Variants in CREBBP observed in about 807,000 individuals in gnomAD.
CREBBP encodes the protein CREB-binding protein.
CREBBP carries 19 observed loss-of-function variants against 265.0 expected under a neutral mutation model. The observed-to-expected ratio is 0.07, with a 90% CI of 0.05 to 0.11. The LOEUF (loss-of-function observed/expected upper bound fraction) is 0.11, where lower values mean the gene tolerates loss of function less well. Ranked by LOEUF, CREBBP falls within the 10% of genes least tolerant of loss-of-function variation. CREBBP has a pLI of 1.00. For synonymous variants in CREBBP, 1,457 were observed against 1,223.7 expected (o/e 1.19, Z -3.98); for missense variants, 2,525 against 3,219.0 (o/e 0.78, Z 5.22).
At chr16:3,865,142 C>T (rs903387413) in intron 1 of CREBBP, among the ~76,000 whole-genome samples, 3 of 152,192 alleles carry the variant, frequency 2.0e-5, no homozygotes, top group Admixed American at 2.0e-4. Flanking sequence ...TAAGACTCTA[C>T]CAACACACAG....
At position 3,853,880 on chromosome 16, in the gene CREBBP, T is replaced by C. The variant is rs543050196; in HGVS notation, c.86-2871A>G. On this transcript the variant is annotated intron_variant, in intron 1 of 30. Coordinates refer to ENST00000262367, the MANE Select transcript of CREBBP (RefSeq NM_004380.3). The stretch of plus-strand genomic sequence containing the variant: ...TGAACCTGGGAGGTGGAAGTTGCAG[T>C]GAACTGAGATATCGCCATTGCACTC... Among the ~76,000 whole-genome samples the C allele has an allele frequency of 2.0e-5, 3 of 151,960 alleles. No homozygotes were observed. In the South Asian group the frequency reaches 6.2e-4, roughly 32 times the overall value.
chr16:3,874,184 G>C (rs2055354188), intron 1 of CREBBP, among the ~76,000 whole-genome samples: 1 of 152,204 alleles, frequency 6.6e-6, no homozygotes. Context: ...TTTAAATCAA[G>C]TCATCCATAT....
chr16:3,766,528 C>A (rs959564153), intron 16 of CREBBP, among the ~76,000 whole-genome samples: 4 of 151,274 alleles, frequency 2.6e-5, no homozygotes, highest in Admixed American at 2.6e-4. Context: ...AAAAATTTTT[C>A]TCTTTTTTTT....
chr16:3,739,780 C>G (rs1172104202), intron 24 of CREBBP, 56 bp from the exon 25 acceptor site: 13 of 1,612,598 alleles, frequency 8.1e-6, no homozygotes, highest in Non-Finnish European at 1.0e-5. Context: ...CAAGGTGCTT[C>G]TGCACACCAG....
chr16:3,850,480 C>T lies in CREBBP; in HGVS notation c.615G>A (p.Gln205=), dbSNP rs1305177355. Reference sequence around the variant, plus strand: ...CAAGAGATCCATTCATGACTTGCGCCTGCCCTTGTGAAGCCTGATTAATTA... The same window carrying T: ...CAAGAGATCCATTCATGACTTGCGCTTGCCCTTGTGAAGCCTGATTAATTA... ...HSLINQASQG[Q]AQVMNGSLGA... The change falls in exon 2 of 31, where the codon CAG becomes CAA. Residue 205 remains glutamine, a synonymous_variant. Transcript: ENST00000262367. 3.1e-6 allele frequency: 5 copies of T among 1,614,152 alleles called. No individual in the cohort carries two copies. Among genetic ancestry groups the T allele is most frequent in the Non-Finnish European group, 4.2e-6 (5 of 1,180,064 alleles).
rs373586649 is a variant in CREBBP, at chr16:3,767,732, G to C, written c.3238C>G (p.Pro1080Ala). The C allele has an allele frequency of 4.3e-6, 7 of 1,614,038 alleles. No homozygotes were observed. Among genetic ancestry groups the C allele is most frequent in the Non-Finnish European group, 5.9e-6 (7 of 1,180,016 alleles). ...ATAAATGGCCTACTTTTTTTGCGCG[G>C]CTGCGAAGGAGATGTTGACTGAGAG... ...TASQSTSPSQ[P>A]RKKIFKPEEL... is the part of the protein sequence containing the mutation. The change falls in exon 16 of 31, where the codon CCG (proline) becomes GCG (alanine). Residue 1080 changes from proline (P) to alanine (A), a missense_variant. Physicochemically the swap from Pro to Ala is conservative, Grantham distance 27. Coordinates refer to ENST00000262367, the MANE Select transcript of CREBBP (RefSeq NM_004380.3).
At chr16:3,753,998 C>T (rs1332562140) in intron 19 of CREBBP, among the ~76,000 whole-genome samples, 1 of 152,168 alleles carries the variant, frequency 6.6e-6, no homozygotes, top group Non-Finnish European at 1.5e-5. Context: ...CCTTCCCCAC[C>T]GAGGAAAGTG....
chr16:3,759,161 C>T (rs2052652675), intron 16 of CREBBP, among the ~76,000 whole-genome samples, 189 bp from the exon 17 acceptor site: 1 of 152,190 alleles, frequency 6.6e-6, no homozygotes, highest in Non-Finnish European at 1.5e-5. Context: ...GAACTGTGTT[C>T]AGCTTGTGAG....
intron 18 of CREBBP, among the ~76,000 whole-genome samples, chr16:3,757,578 C>T (rs891051570): frequency 1.3e-5 from 2 of 152,014 alleles, no homozygotes; most frequent in Non-Finnish European, 2.9e-5. Context: ...CAGACAGGTA[C>T]CACAGGCAGA....
At chr16:3,762,286 T>G (rs1194680140) in intron 16 of CREBBP, among the ~76,000 whole-genome samples, 1 of 152,004 alleles carries the variant, frequency 6.6e-6, no homozygotes, top group Non-Finnish European at 1.5e-5. Flanking sequence ...CTGAAACAAG[T>G]GTCACTTTGG....
chr16:3,751,524 C>CA (rs1309323955), intron 20 of CREBBP, among the ~76,000 whole-genome samples: 1 of 152,170 alleles, frequency 6.6e-6, no homozygotes, highest in Non-Finnish European at 1.5e-5. Context: ...CCCAAGTGGT[C>CA]AAGGCTGCAG....
At chr16:3,751,468 T>TGCAA (rs1170628500) in intron 20 of CREBBP, among the ~76,000 whole-genome samples, 1 of 152,148 alleles carries the variant, frequency 6.6e-6, no homozygotes, top group Non-Finnish European at 1.5e-5. Context: ...GGCGTGCACC[T>TGCAA]GTAATCCCAG....
At chr16:3,765,941 C>G (rs1309290779) in intron 16 of CREBBP, among the ~76,000 whole-genome samples, 1 of 152,124 alleles carries the variant, frequency 6.6e-6, no homozygotes, top group African/African-American at 2.4e-5. Flanking sequence ...ATCCTTCCCC[C>G]TCAGCCTCCC....
Position 3,879,938 on chromosome 16 carries a change from G to A in CREBBP, c.-22C>T, listed in dbSNP as rs2141616882. 1 of 1,606,514 alleles carries A rather than the reference G, an allele frequency of 6.2e-7. No homozygotes were observed. Among genetic ancestry groups the A allele is most frequent in the Non-Finnish European group, 8.5e-7 (1 of 1,176,556 alleles). On this transcript the variant is annotated 5_prime_UTR_variant, in exon 1 of 31. Coordinates refer to ENST00000262367, the MANE Select transcript of CREBBP (RefSeq NM_004380.3). ...CCATTTTCACCTGCTCGCGAAAACA[G>A]CCCCGGGCACGGGCGGCCGGGCCGG...
In CREBBP at chr16:3,804,637, T is replaced by C. The variant is rs2053792828; in HGVS notation, c.975+5966A>G. 2.6e-5 allele frequency among the ~76,000 whole-genome samples: 4 copies of C among 152,248 alleles called. No individual in the cohort carries two copies. In the South Asian group the frequency reaches 8.3e-4, roughly 31 times the overall value. The stretch of plus-strand genomic sequence containing the variant: ...TGCTTCTTGCAGGACTACTGCGGTG[T>C]ATTTACTCGGTTCTTCTAAAAGTCA... On this transcript the variant is annotated intron_variant, in intron 3 of 30. Transcript: ENST00000262367.
rs764213428 is a variant in CREBBP, at chr16:3,749,647, A to G, written c.3816T>C (p.Asn1272=). 1.6e-5 allele frequency: 26 copies of G among 1,606,360 alleles called. No individual in the cohort carries two copies. Among genetic ancestry groups the G allele is most frequent in the Non-Finnish European group, 2.1e-5 (25 of 1,173,646 alleles). ...CTTACGGTTCGGGGTCTAAGGTATC[A>G]TTTTTCTTCTTTTCAAACTGATCCT... ...ISKDQFEKKK[N]DTLDPEPFVD... Residue 1272 remains asparagine (N), a synonymous_variant, in exon 21 of 31, where the codon AAT becomes AAC. Transcript: ENST00000262367.
intron 8 of CREBBP, among the ~76,000 whole-genome samples, chr16:3,779,084 T>C (rs2141239798): frequency 1.3e-5 from 2 of 151,940 alleles, no homozygotes; most frequent in Middle Eastern, 3.4e-3. Flanking sequence ...AGAGAATTGC[T>C]TGAACCCGGG....
intron 1 of CREBBP, among the ~76,000 whole-genome samples, chr16:3,875,398 GA>G: frequency 6.6e-6 from 1 of 152,296 alleles, no homozygotes; most frequent in East Asian, 1.9e-4. Context: ...AGAACTCACT[GA>G]TGGGGTAACA....
intron 2 of CREBBP, among the ~76,000 whole-genome samples, chr16:3,824,667 C>G (rs550542805): frequency 6.6e-6 from 1 of 151,756 alleles, no homozygotes; most frequent in Admixed American, 6.5e-5. Context: ...TTTGCCTCAC[C>G]GAGCCCACAC....
Sources: gnomAD v4.1 joint callset for allele counts (sites outside exome capture counted in the v4.1 genomes callset) on GRCh38, gnomAD v4.1.1 for gene constraint, MANE v1.5 for transcripts, NCBI Gene and HGNC (gene_info 2026-07-23, HGNC 2026-07-21) for gene names.